SLC2A5: variants seen among roughly 807,000 people sequenced by gnomAD.
The protein encoded by SLC2A5 is solute carrier family 2, facilitated glucose transporter member 5.
Under a neutral mutation model 50.3 loss-of-function variants are expected in SLC2A5, and 56 were observed. That is an observed-to-expected ratio of 1.11 (90% confidence interval 0.90 to 1.39). SLC2A5 has a LOEUF of 1.39. SLC2A5 is among the 40% of genes most tolerant of loss of function. The probability of loss-of-function intolerance (pLI) is 0.00; values close to 1 mark genes in which losing one functional copy is unlikely to be tolerated. For synonymous variants in SLC2A5, 269 were observed against 281.9 expected (o/e 0.95, Z 0.46); for missense variants, 566 against 650.1 (o/e 0.87, Z 1.41).
chr1:9,066,022 A>G (rs1432355946), intron 1 of SLC2A5, among the ~76,000 whole-genome samples: 1 of 152,136 alleles, frequency 6.6e-6, no homozygotes, highest in African/African-American at 2.4e-5. Context: ...ACTTAGGACC[A>G]TGCCTGGTCT....
chr1:9,081,055 T>A (rs1569923430), intron 2 of SLC2A5, among the ~76,000 whole-genome samples: 1 of 151,904 alleles, frequency 6.6e-6, no homozygotes, highest in Admixed American at 6.6e-5. Flanking sequence ...CTGGACAATG[T>A]GGTGAAACAT....
At chr1:9,050,092 C>T (rs975914698) in intron 3 of SLC2A5, among the ~76,000 whole-genome samples, 3 of 151,874 alleles carry the variant, frequency 2.0e-5, no homozygotes, top group African/African-American at 7.3e-5. Flanking sequence ...GCCAACACAA[C>T]GAAACCCCAC....
upstream of SLC2A5, chr1:9,072,433 A>C (rs756512071): frequency 1.3e-5 from 2 of 152,278 alleles, no homozygotes; most frequent in Admixed American, 6.5e-5. Flanking sequence ...GGATGTCCAG[A>C]GGTGAACTGA....
rs201021367 is a variant in SLC2A5, at chr1:9,059,134, TTC to T, written c.34-886_34-885del. Among the ~76,000 whole-genome samples, 532 of 63,612 alleles carry T rather than the reference TTC, an allele frequency of 8.4e-3. 18 individuals carry two copies. The highest frequency in any genetic ancestry group is 0.049 in the East Asian group (31 of 634). 41.7% of individuals were successfully genotyped at this position (63,612 alleles called of 152,430 possible). ...TACTCTGATGGACAGCCGCCTTTCT[TTC>T]TTTTTTTTTTTTTTTTTTTTTTTTG... On this transcript the variant is annotated intron_variant, in intron 1 of 11. Transcript: ENST00000377424.
chr1:9,042,655 GGT>G lies in SLC2A5; in HGVS notation c.419-720_419-719del, dbSNP rs141485120. On this transcript the variant is annotated intron_variant, in intron 4 of 11. Transcript: ENST00000377424. ...TGTGTGTGGGTGTGTGTGTGGCCTG[GGT>G]GTGTGTGTGTGTGTGTATAGGGCAT... 5.0e-3 allele frequency among the ~76,000 whole-genome samples: 683 copies of G among 136,612 alleles called. 3 individuals are homozygous for G. Among genetic ancestry groups the G allele is most frequent in the African/African-American group, 0.017 (623 of 36,776 alleles). 89.6% of individuals were successfully genotyped at this position (136,612 alleles called of 152,430 possible).
intron 7 of SLC2A5, 42 bp downstream of exon 7, chr1:9,039,758 C>T (rs1261542161): frequency 7.8e-5 from 114 of 1,453,914 alleles, no homozygotes; most frequent in Non-Finnish European, 1.0e-4. Flanking sequence ...CCCCGCGCCC[C>T]CCGAGCCCTC....
chr1:9,038,793 A>G (rs1177419665), intron 9 of SLC2A5, 35 bp downstream of exon 9: 1 of 1,534,858 alleles, frequency 6.5e-7, no homozygotes, highest in South Asian at 1.2e-5. Flanking sequence ...TTCCTGGTGC[A>G]GCTCCGGGCT....
At chr1:9,077,775 G>GA (rs1642308423) in intron 2 of SLC2A5, among the ~76,000 whole-genome samples, 2 of 143,194 alleles carry the variant, frequency 1.4e-5, no homozygotes, top group East Asian at 2.3e-4. Context: ...GAGGGAGGGA[G>GA]GGAAAGAAGG....
At chr1:9,084,396 T>C (rs895163285) in intron 2 of SLC2A5, among the ~76,000 whole-genome samples, 8 of 152,332 alleles carry the variant, frequency 5.3e-5, no homozygotes, top group Admixed American at 3.9e-4. Context: ...CCTTTTGCTT[T>C]GCAATAAATC....
intron 1 of SLC2A5, among the ~76,000 whole-genome samples, chr1:9,063,681 C>CTTTTTTTT (rs70985579): frequency 1.3e-4 from 6 of 45,174 alleles, no homozygotes; most frequent in African/African-American, 5.5e-4. Context: ...CTATTATTTA[C>CTTTTTTTT]TTTTTTTTTT....
upstream of SLC2A5, among the ~76,000 whole-genome samples, chr1:9,092,411 A>G (rs891493717): frequency 3.3e-5 from 5 of 152,126 alleles, no homozygotes; most frequent in Admixed American, 2.0e-4. Flanking sequence ...ACCATTTCTT[A>G]AGTTTCCATA....
chr1:9,059,140 T>C (rs893181495), intron 1 of SLC2A5, among the ~76,000 whole-genome samples: 27 of 92,118 alleles, frequency 2.9e-4, no homozygotes, highest in East Asian at 7.8e-4. Context: ...TTCTTTCTTT[T>C]TTTTTTTTTT....
At chr1:9,088,841 A>G (rs1642432862), upstream of SLC2A5, among the ~76,000 whole-genome samples, 1 of 152,188 alleles carries the variant, frequency 6.6e-6, no homozygotes, top group South Asian at 2.1e-4. Flanking sequence ...CACTCCTGCC[A>G]GTCTTCCTCT....
intron 1 of SLC2A5, among the ~76,000 whole-genome samples, chr1:9,062,295 T>A (rs1016763561): frequency 7.3e-5 from 11 of 150,822 alleles, no homozygotes; most frequent in Non-Finnish European, 1.6e-4. Flanking sequence ...AACACAGGAG[T>A]GGTTAAAAAG....
intron 1 of SLC2A5, among the ~76,000 whole-genome samples, chr1:9,068,892 G>A (rs1441762950): frequency 6.6e-6 from 1 of 152,140 alleles, no homozygotes; most frequent in African/African-American, 2.4e-5. Context: ...GTGTTAATAA[G>A]TCAGTGTTAC....
chr1:9,041,921 C>A lies in SLC2A5; in HGVS notation c.435G>T (p.Val145=), dbSNP rs1017397921. The change falls in exon 5 of 12, where the codon GTG becomes GTT. Residue 145 remains valine (V), a synonymous_variant. Transcript: ENST00000377424. ...CCAGCTCCCCTAAGTACATGGGGAC[C>A]ACGTTGGAAGATACACCTGGGAGGA... ...VGICAGVSSN[V]VPMYLGELAP... is the part of the protein sequence containing the mutation. 1.2e-6 allele frequency: 2 copies of A among 1,608,294 alleles called. No individual in the cohort carries two copies. The highest frequency in any genetic ancestry group is 2.2e-5 in the East Asian group (1 of 44,826).
At chr1:9,054,551 A>C (rs984243546) in intron 3 of SLC2A5, among the ~76,000 whole-genome samples, 2 of 152,236 alleles carry the variant, frequency 1.3e-5, no homozygotes, top group African/African-American at 4.8e-5. Flanking sequence ...AAATAAAATT[A>C]GTTTTCTCTC....
intron 2 of SLC2A5, among the ~76,000 whole-genome samples, chr1:9,081,134 C>T (rs556225418): frequency 6.6e-6 from 1 of 151,952 alleles, no homozygotes; most frequent in East Asian, 1.9e-4. Context: ...GTGGCACATG[C>T]CCTTGTTCCC....
rs1569832937 is a variant in SLC2A5, at chr1:9,038,451, A to T, written c.1154T>A (p.Ile385Lys). 2 of 1,613,528 alleles carry T rather than the reference A, an allele frequency of 1.2e-6. No homozygotes were observed. The highest frequency in any genetic ancestry group is 1.7e-4 in the Middle Eastern group (1 of 6,060). Reference sequence around the variant, plus strand: ...CGTACTGGGCCCGAGGGCATGTCCTATGACGTAGGAGATGACACAGACGAT... The same window carrying T: ...CGTACTGGGCCCGAGGGCATGTCCTTTGACGTAGGAGATGACACAGACGAT... ...ISIVCVISYV[I>K]GHALGPSPIP... Residue 385 changes from isoleucine to lysine, a missense_variant, in exon 10 of 12, where the codon ATA becomes AAA. Physicochemically the swap from Ile to Lys is moderately radical, Grantham distance 102. Transcript: ENST00000377424.
Sources: gnomAD v4.1 joint callset for allele counts (sites outside exome capture counted in the v4.1 genomes callset) on GRCh38, gnomAD v4.1.1 for gene constraint, MANE v1.5 for transcripts, NCBI Gene and HGNC (gene_info 2026-07-23, HGNC 2026-07-21) for gene names.